The following ARID1B variants were observed in gnomAD, a reference collection of about 807,000 sequenced individuals.
The protein encoded by ARID1B is AT-rich interactive domain-containing protein 1B.
Under a neutral mutation model 212.3 loss-of-function variants are expected in ARID1B, and 30 were observed. That is an observed-to-expected ratio of 0.14 (90% CI 0.11 to 0.19). The LOEUF (loss-of-function observed/expected upper bound fraction) is 0.19, where lower values mean the gene tolerates loss of function less well. Ranked by LOEUF, ARID1B falls within the 10% of genes least tolerant of loss-of-function variation. ARID1B has a pLI of 1.00. For synonymous variants in ARID1B, 1,402 were observed against 1,301.7 expected (o/e 1.08, Z -1.66); for missense variants, 2,891 against 3,204.0 (o/e 0.90, Z 2.36).
chr6:156,869,095 CTT>C (rs1422097961), intron 2 of ARID1B, among the ~76,000 whole-genome samples: 8 of 152,112 alleles, frequency 5.3e-5, no homozygotes, highest in African/African-American at 1.9e-4. Flanking sequence ...TCAGTTGAAA[CTT>C]TTGATTTCAT....
In ARID1B at chr6:157,100,525, C is replaced by T. The variant is rs183386813; in HGVS notation, c.2492-9947C>T. ...TTCTTGAAGCAAGTGAAATAGAAAACACTGAACAGAAGGATGCTATGTCTA... is the reference window on the plus strand; with the variant it reads ...TTCTTGAAGCAAGTGAAATAGAAAATACTGAACAGAAGGATGCTATGTCTA... On this transcript the variant is annotated intron_variant, in intron 5 of 19. Transcript: ENST00000636930. Among the ~76,000 whole-genome samples, 619 of 152,304 alleles carry T rather than the reference C, an allele frequency of 4.1e-3. 5 individuals carry two copies. Among genetic ancestry groups the T allele is most frequent in the Non-Finnish European group, 5.5e-3 (376 of 68,022 alleles).
chr6:156,817,868 C>T lies in ARID1B; in HGVS notation c.1792-11359C>T, dbSNP rs368938767. Among the ~76,000 whole-genome samples, 13 of 152,012 alleles carry T rather than the reference C, an allele frequency of 8.6e-5. No individual in the cohort carries two copies. The East Asian group carries it at 9.6e-4, about 11-fold the overall frequency. On this transcript the variant is annotated intron_variant, in intron 1 of 19. Transcript: ENST00000636930. ...TTTTGAGAGTAGGTTGTATACATTC[C>T]GCTTCTTTACTCCTAGATACTTCAG... is the stretch of plus-strand genomic sequence containing the variant.
intron 4 of ARID1B, among the ~76,000 whole-genome samples, chr6:156,997,659 GT>G (rs60189073): frequency 0.042 from 5,278 of 126,826 alleles, 258 homozygotes; most frequent in African/African-American, 0.12. Context: ...ATTTTAACTT[GT>G]TTTTTTTTTT....
intron 4 of ARID1B, among the ~76,000 whole-genome samples, chr6:156,950,983 T>G (rs9968806): frequency 0.42 from 64,102 of 152,022 alleles, 16,005 homozygotes; most frequent in African/African-American, 0.7. Flanking sequence ...TATAAAGTAT[T>G]ACCCAGATAC....
intron 3 of ARID1B, among the ~76,000 whole-genome samples, chr6:156,920,682 G>A (rs934671307): frequency 2.0e-5 from 3 of 152,106 alleles, no homozygotes; most frequent in Non-Finnish European, 4.4e-5. Flanking sequence ...ACCAGCTTAG[G>A]TCACTGATTG....
At chr6:156,861,050 A>C (rs889522398) in intron 2 of ARID1B, among the ~76,000 whole-genome samples, 6 of 152,200 alleles carry the variant, frequency 3.9e-5, no homozygotes, top group Admixed American at 2.6e-4. Context: ...CACCTTGTAC[A>C]CTGTGGTCGT....
At chr6:157,003,091 A>G (rs1440262919) in intron 4 of ARID1B, among the ~76,000 whole-genome samples, 4 of 152,242 alleles carry the variant, frequency 2.6e-5, no homozygotes, top group Admixed American at 2.6e-4. Flanking sequence ...GGGCCCCATC[A>G]CAGAGGGGCT....
intron 6 of ARID1B, among the ~76,000 whole-genome samples, chr6:157,122,891 A>G (rs1787837708): frequency 1.3e-5 from 2 of 152,122 alleles, no homozygotes; most frequent in Non-Finnish European, 2.9e-5. Context: ...CATGTTGGCC[A>G]GGCTGGTCTT....
intron 1 of ARID1B, among the ~76,000 whole-genome samples, chr6:156,816,884 C>T (rs1782002606): frequency 6.6e-6 from 1 of 152,084 alleles, no homozygotes; most frequent in African/African-American, 2.4e-5. Flanking sequence ...CTCTTTCTTA[C>T]TTTTGATCTT....
At chr6:157,020,702 C>T (rs1780180774) in intron 4 of ARID1B, among the ~76,000 whole-genome samples, 1 of 152,162 alleles carries the variant, frequency 6.6e-6, no homozygotes, top group South Asian at 2.1e-4. Flanking sequence ...CAAAATTATG[C>T]TTCTCTAATA....
rs73021519 is a variant in ARID1B at position 157,119,327 on chromosome 6, A to T, written c.2581+8766A>T. ...CGGTGAGAGCATGTCATTCCTCACCACCTATGCCTTTAGTCACTTGCCTGT... is the reference window on the plus strand; with the variant it reads ...CGGTGAGAGCATGTCATTCCTCACCTCCTATGCCTTTAGTCACTTGCCTGT... On this transcript the variant is annotated intron_variant, in intron 6 of 19. Coordinates refer to ENST00000636930, the MANE Select transcript of ARID1B (RefSeq NM_001374828.1). 6.0e-3 allele frequency among the ~76,000 whole-genome samples: 916 copies of T among 152,142 alleles called. 5 individuals are homozygous for T. Among genetic ancestry groups the T allele is most frequent in the East Asian group, 0.013 (65 of 5,176 alleles).
At chr6:157,159,006 C>T (rs1012010885) in intron 8 of ARID1B, among the ~76,000 whole-genome samples, 5 of 152,036 alleles carry the variant, frequency 3.3e-5, no homozygotes, top group South Asian at 2.1e-4. Flanking sequence ...CAGTGGGATG[C>T]GACATGATAC....
chr6:156,840,365 T>A (rs1052064666), intron 2 of ARID1B, among the ~76,000 whole-genome samples: 1 of 152,262 alleles, frequency 6.6e-6, no homozygotes, highest in Non-Finnish European at 1.5e-5. Context: ...TATCCCCTCC[T>A]GAACCTCACT....
At chr6:156,871,779 A>G (rs1206222374) in intron 2 of ARID1B, 6 of 1,125,672 alleles carry the variant, frequency 5.3e-6, no homozygotes, top group Admixed American at 2.0e-5. Flanking sequence ...TGGGAGGCTG[A>G]GGGCCCATCC....
rs545736729 is a variant in ARID1B at position 156,972,471 on chromosome 6, ATATT to A, written c.2247+36901_2247+36904del. Among the ~76,000 whole-genome samples the A allele has an allele frequency of 4.2e-4, 64 of 152,314 alleles. 2 individuals are homozygous for A. Among genetic ancestry groups the A allele is most frequent in the African/African-American group, 1.3e-3 (55 of 41,576 alleles). On this transcript the variant is annotated intron_variant, in intron 4 of 19. Coordinates refer to ENST00000636930, the MANE Select transcript of ARID1B (RefSeq NM_001374828.1). ...ATTGCACAGATCTACTTTATTAAGAATATTTATTTTAATTGGATTGTGTCACGTT... is the reference window on the plus strand; with the variant it reads ...ATTGCACAGATCTACTTTATTAAGAATATTTTAATTGGATTGTGTCACGTT...
intron 2 of ARID1B, among the ~76,000 whole-genome samples, chr6:156,846,879 C>A (rs916428781): frequency 6.6e-6 from 1 of 152,174 alleles, no homozygotes; most frequent in Admixed American, 6.5e-5. Flanking sequence ...TGATTCCTGT[C>A]TTTGGGGTTC....
intron 4 of ARID1B, among the ~76,000 whole-genome samples, chr6:157,078,612 G>A (rs1269620329): frequency 6.6e-6 from 1 of 152,136 alleles, no homozygotes; most frequent in East Asian, 1.9e-4. Context: ...TTTCATACTT[G>A]CATTGTTTAC....
chr6:157,020,127 T>C (rs1032542049), intron 4 of ARID1B, among the ~76,000 whole-genome samples: 11 of 152,212 alleles, frequency 7.2e-5, no homozygotes, highest in African/African-American at 2.7e-4. Flanking sequence ...AAGGAGGGAA[T>C]AGACATAACA....
At chr6:157,130,361 AT>A (rs1215675157) in intron 6 of ARID1B, among the ~76,000 whole-genome samples, 2 of 152,152 alleles carry the variant, frequency 1.3e-5, no homozygotes, top group Non-Finnish European at 2.9e-5. Flanking sequence ...ATTGAAACAC[AT>A]TTTTTTATTA....
Sources: allele counts gnomAD v4.1 joint callset (sites outside exome capture counted in the v4.1 genomes callset), GRCh38; gene constraint gnomAD v4.1.1; transcripts MANE v1.5; gene names NCBI Gene and HGNC (gene_info 2026-07-23, HGNC 2026-07-21).